Variants in PKHD1L1 observed in about 807,000 individuals in gnomAD.
PKHD1L1 encodes fibrocystin-L.
In PKHD1L1, 434 loss-of-function variants were observed where a neutral mutation model predicts 462.9. The ratio of observed to expected loss-of-function variants is 0.94; its 90% CI spans 0.87 to 1.02. PKHD1L1 has a LOEUF of 1.02. Among genes scored for constraint, PKHD1L1 ranks in the 50% least tolerant of loss-of-function variants. The pLI, the probability that PKHD1L1 is intolerant of heterozygous loss-of-function variation, is 0.00. For missense variants in PKHD1L1, 5,202 were observed against 5,096.1 expected (o/e 1.02, Z -0.63); for synonymous variants, 1,781 against 1,750.0 (o/e 1.02, Z -0.44).
At chr8:109,413,243 C>G (rs373333629) in intron 20 of PKHD1L1, among the ~76,000 whole-genome samples, 178 bp from the exon 21 acceptor site, 1 of 152,062 alleles carries the variant, frequency 6.6e-6, no homozygotes, top group Admixed American at 6.6e-5. Flanking sequence ...TCTGTAAAAT[C>G]TTTCGCAATT....
At chr8:109,391,400 A>C (rs1812704993) in intron 9 of PKHD1L1, among the ~76,000 whole-genome samples, 1 of 152,214 alleles carries the variant, frequency 6.6e-6, no homozygotes, top group Non-Finnish European at 1.5e-5. Context: ...ATCACTGCTT[A>C]CCATCCTGAT....
chr8:109,516,188 GAC>G (rs936823666), intron 72 of PKHD1L1, among the ~76,000 whole-genome samples: 1 of 152,106 alleles, frequency 6.6e-6, no homozygotes, highest in Non-Finnish European at 1.5e-5. Flanking sequence ...AGTAAATTGA[GAC>G]ACAGGAAGTA....
intron 3 of PKHD1L1, among the ~76,000 whole-genome samples, chr8:109,382,058 C>T (rs61573455): frequency 0.014 from 2,076 of 152,166 alleles, 44 homozygotes; most frequent in African/African-American, 0.047. Flanking sequence ...TTAGGCCTGT[C>T]GGCTGTTCTT....
intron 51 of PKHD1L1, 86 bp from the exon 52 acceptor site, chr8:109,476,422 T>C: frequency 1.1e-6 from 1 of 894,276 alleles, no homozygotes; most frequent in Non-Finnish European, 1.6e-6. Flanking sequence ...TAACATAATA[T>C]AGGGGCTAAT....
Position 109,409,995 on chromosome 8 carries a change from G to T in PKHD1L1, c.2085+17G>T. On this transcript the variant is annotated intron_variant, in intron 19 of 77. Transcript: ENST00000378402. ...TTTAATCTGGTATGAAATATTTAATGAACTGTGAAACTGACCTAATAAGAA... is the reference window on the plus strand; with the variant it reads ...TTTAATCTGGTATGAAATATTTAATTAACTGTGAAACTGACCTAATAAGAA... 1.5e-6 allele frequency: 2 copies of T among 1,353,984 alleles called. No homozygotes were observed. The highest frequency in any genetic ancestry group is 2.7e-5 in the South Asian group (2 of 75,240). 83.9% of individuals were successfully genotyped at this position (1,353,984 alleles called of 1,614,324 possible).
chr8:109,409,302 G>A (rs1008195255), intron 18 of PKHD1L1, among the ~76,000 whole-genome samples: 1 of 151,366 alleles, frequency 6.6e-6, no homozygotes, highest in Non-Finnish European at 1.5e-5. Context: ...AGGCTGGAAT[G>A]CAGTGGTGTG....
chr8:109,454,983 A>G, intron 45 of PKHD1L1, 131 bp downstream of exon 45: 1 of 1,222,648 alleles, frequency 8.2e-7, no homozygotes, highest in East Asian at 2.6e-5. Flanking sequence ...ATGTCTTTAG[A>G]TATCCCCTCT....
chr8:109,427,297 A>G (rs1814810484), intron 25 of PKHD1L1, 141 bp downstream of exon 25: 1 of 684,942 alleles, frequency 1.5e-6, no homozygotes, highest in Non-Finnish European at 2.5e-6. Flanking sequence ...AAAGGAAGTT[A>G]AGGAGAAGGT....
chr8:109,460,883 A>G (rs1026304629), intron 47 of PKHD1L1, among the ~76,000 whole-genome samples: 6 of 152,190 alleles, frequency 3.9e-5, no homozygotes, highest in Non-Finnish European at 7.4e-5. Context: ...TGTCTGAGGC[A>G]GGAGATGAGA....
rs1342811615 is a variant in PKHD1L1 at position 109,533,445 on chromosome 8, G to A, written c.*3355G>A. Among the ~76,000 whole-genome samples, 2 of 152,178 alleles carry A rather than the reference G, an allele frequency of 1.3e-5. No individual in the cohort carries two copies. The highest frequency in any genetic ancestry group is 6.5e-5 in the Admixed American group (1 of 15,276). On this transcript the variant is annotated 3_prime_UTR_variant, in exon 78 of 78. Coordinates refer to ENST00000378402, the MANE Select transcript of PKHD1L1 (RefSeq NM_177531.6). The stretch of plus-strand genomic sequence containing the variant: ...TCTTATTACACTGGAACAGTGCCTG[G>A]CATGTAATAAGCACCATGTGAGTGC...
chr8:109,406,134 A>G (rs897077317), intron 16 of PKHD1L1, among the ~76,000 whole-genome samples: 2 of 152,228 alleles, frequency 1.3e-5, no homozygotes, highest in African/African-American at 4.8e-5. Flanking sequence ...CTGTCCTCAA[A>G]GAGATCACAA....
chr8:109,456,627 A>G (rs975991322), intron 46 of PKHD1L1, among the ~76,000 whole-genome samples: 5 of 152,244 alleles, frequency 3.3e-5, no homozygotes, highest in Non-Finnish European at 7.3e-5. Context: ...AACCTATGAA[A>G]TAACTATGTC....
rs1813959802 is a variant in PKHD1L1 at position 109,413,356 on chromosome 8, T to G, written c.2236-65T>G. ...AATATTTATTGACTTTGAATTTATT[T>G]GAATTGTTGTGAAACAATGTAATGG... On this transcript the variant is annotated intron_variant, in intron 20 of 77. Transcript: ENST00000378402. The G allele has an allele frequency of 5.5e-6, 6 of 1,087,476 alleles. No individual in the cohort carries two copies. The Admixed American group carries it at 2.2e-4, about 40-fold the overall frequency. 67.4% of individuals were successfully genotyped at this position (1,087,476 alleles called of 1,614,324 possible). A position where few individuals can be genotyped will look rare whatever the true frequency, so the allele number is the denominator to read the frequency against.
At chr8:109,423,646 T>C (rs545427682) in intron 23 of PKHD1L1, among the ~76,000 whole-genome samples, 14 of 152,316 alleles carry the variant, frequency 9.2e-5, no homozygotes, top group Admixed American at 2.0e-4. Context: ...TAAGATTATT[T>C]ATGTCTACAA....
In PKHD1L1 at chr8:109,382,570, A is replaced by T. The variant is rs763623596; in HGVS notation, c.416A>T (p.Asn139Ile). 87 of 1,606,440 alleles carry T rather than the reference A, an allele frequency of 5.4e-5. No homozygotes were observed. The highest frequency in any genetic ancestry group is 1.7e-5 in the Non-Finnish European group (20 of 1,175,666). ...GHINSWECTF[N>I]AKSFRTPTIR... The stretch of plus-strand genomic sequence containing the variant: ...ATCAACAGCTGGGAATGTACCTTCA[A>T]CGTATGTAGGAATCTTCTCTTCAGT... Residue 139 changes from asparagine to isoleucine, a missense_variant and splice_region_variant, in exon 4 of 78, where the codon AAC (asparagine) becomes ATC (isoleucine). Physicochemically the swap from Asn to Ile is moderately radical, Grantham distance 149. Coordinates refer to ENST00000378402, the MANE Select transcript of PKHD1L1 (RefSeq NM_177531.6).
intron 50 of PKHD1L1, among the ~76,000 whole-genome samples, chr8:109,467,069 T>C (rs1409655363): frequency 6.6e-6 from 1 of 152,050 alleles, no homozygotes; most frequent in Non-Finnish European, 1.5e-5. Flanking sequence ...TTCCTGCCAC[T>C]CAAAGCAAAT....
intron 65 of PKHD1L1, among the ~76,000 whole-genome samples, chr8:109,497,492 GC>G (rs1819167562): frequency 6.7e-6 from 1 of 148,914 alleles, no homozygotes. Flanking sequence ...GAGTGCAGTG[GC>G]ACAATTTCGG....
intron 2 of PKHD1L1, among the ~76,000 whole-genome samples, chr8:109,371,657 A>G (rs909525392): frequency 9.3e-6 from 1 of 107,044 alleles, no homozygotes; most frequent in Non-Finnish European, 2.0e-5. Context: ...GTAAGTCTTT[A>G]ATCCATCTTG....
rs377295967 is a variant in PKHD1L1, at chr8:109,419,373, G to A, written c.2524+113G>A. The A allele has an allele frequency of 6.1e-5, 45 of 733,818 alleles. No homozygotes were observed. The East Asian group carries it at 9.5e-4, about 16-fold the overall frequency. 45.5% of individuals were successfully genotyped at this position (733,818 alleles called of 1,614,324 possible). On this transcript the variant is annotated intron_variant, in intron 22 of 77. Transcript: ENST00000378402. The stretch of plus-strand genomic sequence containing the variant: ...GAAACATTAATATCTAAATATTAAT[G>A]AGTCACTCTTTTATCTGAATAATAT...
Sources: gnomAD v4.1 joint callset for allele counts (sites outside exome capture counted in the v4.1 genomes callset) on GRCh38, gnomAD v4.1.1 for gene constraint, MANE v1.5 for transcripts, NCBI Gene and HGNC (gene_info 2026-07-23, HGNC 2026-07-21) for gene names.